TAF15: variants seen among roughly 807,000 people sequenced by gnomAD.
TAF15 encodes TATA-binding protein-associated factor 2N.
In TAF15, 37 loss-of-function variants were observed where a neutral mutation model predicts 102.5. The observed-to-expected ratio is 0.36, with a 90% confidence interval of 0.28 to 0.47. The LOEUF (loss-of-function observed/expected upper bound fraction) is 0.47. Ranked by LOEUF, TAF15 falls within the 20% of genes least tolerant of loss-of-function variation. The pLI is 0.99. For synonymous variants in TAF15, 273 were observed against 259.2 expected, an observed-to-expected ratio of 1.05 and a Z score of -0.51; for missense variants, 652 against 760.7, an observed-to-expected ratio of 0.86 and a Z score of 1.68.
At chr17:35,813,640 C>G (rs944594345) in intron 1 of TAF15, among the ~76,000 whole-genome samples, 2 of 147,186 alleles carry the variant, frequency 1.4e-5, no homozygotes, top group Admixed American at 6.8e-5. Context: ...TGTCCCCCCC[C>G]CCCCGCAAAA....
intron 1 of TAF15, among the ~76,000 whole-genome samples, chr17:35,813,029 AGGCACC>A (rs2087144658): frequency 1.3e-5 from 2 of 148,390 alleles, no homozygotes; most frequent in Non-Finnish European, 3.0e-5. Context: ...TGTGAGGCTG[AGGCACC>A]AGAATTGGTT....
At chr17:35,824,450 T>C (rs1287992560) in intron 7 of TAF15, among the ~76,000 whole-genome samples, 1 of 152,214 alleles carries the variant, frequency 6.6e-6, no homozygotes, top group Non-Finnish European at 1.5e-5. Context: ...GAGAAACAAC[T>C]ATGGTTGTGA....
intron 7 of TAF15, chr17:35,824,410 A>C (rs536693015): frequency 2.3e-5 from 14 of 615,292 alleles, no homozygotes; most frequent in Admixed American, 1.9e-4. Context: ...GTTAGTAGTT[A>C]GTTTATGTGG....
At chr17:35,811,315 A>G (rs1177695900) in intron 1 of TAF15, 1 of 152,218 alleles carries the variant, frequency 6.6e-6, no homozygotes, top group Admixed American at 6.5e-5. Context: ...TCTTCAAGTT[A>G]CTAAGACACC....
At chr17:35,812,996 G>A (rs974566737) in intron 1 of TAF15, among the ~76,000 whole-genome samples, 4 of 151,476 alleles carry the variant, frequency 2.6e-5, no homozygotes, top group East Asian at 1.9e-4. Context: ...GTGAGGTGGC[G>A]GGAACCTGTA....
intron 14 of TAF15, 49 bp downstream of exon 14, chr17:35,844,417 G>T (rs1259304018): frequency 1.2e-6 from 2 of 1,612,728 alleles, no homozygotes; most frequent in Non-Finnish European, 1.7e-6. Flanking sequence ...CTTCTGACTA[G>T]CATTAAGGGG....
At position 35,838,562 on chromosome 17, in the gene TAF15, C is replaced by T. The variant is rs746971378; in HGVS notation, c.913+9C>T. 1.1e-5 allele frequency: 17 copies of T among 1,613,864 alleles called. No individual in the cohort carries two copies. The highest frequency in any genetic ancestry group is 1.4e-5 in the Non-Finnish European group (17 of 1,180,030). Reference sequence around the variant, plus strand: ...CATTGACTGGTTTGATGGTATGCCTCATTCGTATAGTTTTCAGCATGAAGT... The same window carrying T: ...CATTGACTGGTTTGATGGTATGCCTTATTCGTATAGTTTTCAGCATGAAGT... On this transcript the variant is annotated intron_variant, in intron 11 of 15. Transcript: ENST00000605844.
chr17:35,809,813 T>C (rs980175255), intron 1 of TAF15: 6 of 611,566 alleles, frequency 9.8e-6, no homozygotes, highest in African/African-American at 7.4e-5. Context: ...GACCCTGTCC[T>C]TGGAACCCGA....
At chr17:35,811,848 C>CA (rs1277469499) in intron 1 of TAF15, among the ~76,000 whole-genome samples, 1 of 152,192 alleles carries the variant, frequency 6.6e-6, no homozygotes, top group Non-Finnish European at 1.5e-5. Flanking sequence ...CTCATTCTGG[C>CA]AGTGTGGCAG....
chr17:35,837,263 C>T (rs1418399993), intron 10 of TAF15, among the ~76,000 whole-genome samples: 1 of 152,068 alleles, frequency 6.6e-6, no homozygotes, highest in African/African-American at 2.4e-5. Flanking sequence ...GTGATCCTCC[C>T]AACTCAGCCT....
intron 12 of TAF15, among the ~76,000 whole-genome samples, chr17:35,843,298 T>A (rs908228210): frequency 3.9e-5 from 6 of 151,938 alleles, no homozygotes; most frequent in African/African-American, 1.5e-4. Flanking sequence ...TAATTTTGTA[T>A]TTTTAGTAGA....
chr17:35,809,957 C>T (rs1001646090), intron 1 of TAF15: 2 of 386,128 alleles, frequency 5.2e-6, no homozygotes, highest in African/African-American at 2.1e-5. Flanking sequence ...CTCCGCTCCG[C>T]CTCGGATCTT....
chr17:35,837,103 T>C (rs1241888067), intron 10 of TAF15, among the ~76,000 whole-genome samples: 1 of 151,844 alleles, frequency 6.6e-6, no homozygotes, highest in Non-Finnish European at 1.5e-5. Flanking sequence ...TCTTTGGGAG[T>C]TATAATTTGT....
Position 35,834,740 on chromosome 17 carries a change from C to CTTTTTTTTTTTTTTT in TAF15, c.673+150_673+164dup, listed in dbSNP as rs533058888. ...CTGCCAGAACTGGGGAGCTTTATTT[C>CTTTTTTTTTTTTTTT]TTTTTTTTTTTTTTTTTTTTTTGAG... On this transcript the variant is annotated intron_variant, in intron 9 of 15. Coordinates refer to ENST00000605844, the MANE Select transcript of TAF15 (RefSeq NM_139215.3). 100 of 236,410 alleles carry CTTTTTTTTTTTTTTT rather than the reference C, an allele frequency of 4.2e-4. 9 individuals carry two copies. The highest frequency in any genetic ancestry group is 3.5e-3 in the African/African-American group (67 of 19,382). 14.6% of individuals were successfully genotyped at this position (236,410 alleles called of 1,614,324 possible).
intron 9 of TAF15, 61 bp from the exon 10 acceptor site, chr17:35,836,070 TA>T (rs1212870157): frequency 7.0e-6 from 8 of 1,140,082 alleles, no homozygotes; most frequent in African/African-American, 1.5e-5. Flanking sequence ...TGTCTTTGAT[TA>T]CTGAACAGAA....
chr17:35,835,042 C>G lies in TAF15; in HGVS notation c.673+444C>G, dbSNP rs574752147. On this transcript the variant is annotated intron_variant, in intron 9 of 15. Transcript: ENST00000605844. The stretch of plus-strand genomic sequence containing the variant: ...TACAGGTGTGAGCCACCACGCCCGG[C>G]TGGGGAGCTTTATTTCTAAAGAAGT... 2.6e-5 allele frequency among the ~76,000 whole-genome samples: 4 copies of G among 152,170 alleles called. No individual in the cohort carries two copies. The East Asian group carries it at 5.8e-4, about 22-fold the overall frequency.
At chr17:35,840,038 GT>G (rs2087525313) in intron 11 of TAF15, among the ~76,000 whole-genome samples, 1 of 151,928 alleles carries the variant, frequency 6.6e-6, no homozygotes. Context: ...TGTTACTCCC[GT>G]TTTACAGAGA....
chr17:35,833,169 A>C (rs1486814964), intron 7 of TAF15, among the ~76,000 whole-genome samples: 2 of 151,912 alleles, frequency 1.3e-5, no homozygotes, highest in South Asian at 2.1e-4. Flanking sequence ...AAAAAAAAAA[A>C]AGTTGTCCTG....
At chr17:35,817,918 C>T (rs962267543) in intron 2 of TAF15, among the ~76,000 whole-genome samples, 163 bp downstream of exon 2, 3 of 152,042 alleles carry the variant, frequency 2.0e-5, no homozygotes, top group Non-Finnish European at 4.4e-5. Flanking sequence ...CATTTATTCC[C>T]TTTCTGTTTT....
Sources: gnomAD v4.1 joint callset for allele counts (sites outside exome capture counted in the v4.1 genomes callset) on GRCh38, gnomAD v4.1.1 for gene constraint, MANE v1.5 for transcripts, NCBI Gene and HGNC (gene_info 2026-07-23, HGNC 2026-07-21) for gene names.